Variants in MACC1 observed in about 807,000 individuals in gnomAD.
The protein encoded by MACC1 is metastasis-associated in colon cancer protein 1.
MACC1 carries 79 observed loss-of-function variants against 70.7 expected under a neutral mutation model. That is an observed-to-expected ratio of 1.12 (90% confidence interval 0.93 to 1.35). The LOEUF is 1.35. Among genes scored for constraint, MACC1 ranks in the 40% most tolerant of loss-of-function variants. The probability of loss-of-function intolerance (pLI) is 0.00; values close to 1 mark genes in which losing one functional copy is unlikely to be tolerated. For missense variants in MACC1, 1,106 were observed against 978.1 expected, an observed-to-expected ratio of 1.13 and a Z score of -1.74; for synonymous variants, 361 against 347.2, an observed-to-expected ratio of 1.04 and a Z score of -0.44.
chr7:20,152,596 C>G (rs1206984614), intron 6 of MACC1, among the ~76,000 whole-genome samples: 2 of 152,128 alleles, frequency 1.3e-5, no homozygotes, highest in African/African-American at 4.8e-5. Flanking sequence ...ATAAGTTGAA[C>G]TATCATAGAA....
At chr7:20,210,728 C>G (rs1782982763) in intron 1 of MACC1, among the ~76,000 whole-genome samples, 1 of 152,194 alleles carries the variant, frequency 6.6e-6, no homozygotes, top group South Asian at 2.1e-4. Context: ...TTCTTGTTCA[C>G]TGCTATATCC....
intron 1 of MACC1, among the ~76,000 whole-genome samples, chr7:20,172,023 A>G (rs1196996230): frequency 6.6e-6 from 1 of 152,216 alleles, no homozygotes; most frequent in African/African-American, 2.4e-5. Context: ...AATACGAAAT[A>G]AAAAGACATA....
At chr7:20,189,732 G>GACATAC (rs1159745754) in intron 1 of MACC1, among the ~76,000 whole-genome samples, 1 of 143,816 alleles carries the variant, frequency 7.0e-6, no homozygotes, top group African/African-American at 2.7e-5. Context: ...CAGACAGACA[G>GACATAC]ACATACACAA....
intron 1 of MACC1, among the ~76,000 whole-genome samples, chr7:20,215,862 A>G (rs1235648273): frequency 6.6e-6 from 1 of 152,200 alleles, no homozygotes; most frequent in Non-Finnish European, 1.5e-5. Context: ...AAACAGATAA[A>G]AATATTCTAT....
chr7:20,182,764 C>T (rs1319612102), intron 1 of MACC1, among the ~76,000 whole-genome samples: 4 of 152,108 alleles, frequency 2.6e-5, no homozygotes, highest in East Asian at 1.9e-4. Context: ...GCTCCTTTGA[C>T]ACATGGGAGT....
intron 6 of MACC1, among the ~76,000 whole-genome samples, chr7:20,152,864 A>G (rs1782001190): frequency 6.6e-6 from 1 of 152,228 alleles, no homozygotes; most frequent in South Asian, 2.1e-4. Context: ...CCTTATTAAG[A>G]AAAAAAGGTC....
intron 1 of MACC1, among the ~76,000 whole-genome samples, chr7:20,193,077 TC>T (rs1226624781): frequency 6.6e-6 from 1 of 152,146 alleles, no homozygotes. Flanking sequence ...ATAGAATCTG[TC>T]CCCAGAAGGT....
At chr7:20,181,103 TG>T (rs1782499566) in intron 1 of MACC1, among the ~76,000 whole-genome samples, 1 of 152,008 alleles carries the variant, frequency 6.6e-6, no homozygotes, top group African/African-American at 2.4e-5. Context: ...TGTGTGTGTG[TG>T]TGTATAATTA....
In MACC1 at chr7:20,137,342, A is replaced by G. The variant is rs1781732038; in HGVS notation, c.*3604T>C. 6.6e-6 allele frequency: 1 copy of G among 152,222 alleles called. No individual in the cohort carries two copies. 9.4% of individuals were successfully genotyped at this position (152,222 alleles called of 1,614,324 possible). Reference sequence around the variant, plus strand: ...TAGTCATCCCCAAACTGAGAACTTTATATAGTATGTTCTACATTACAGGCC... The same window carrying G: ...TAGTCATCCCCAAACTGAGAACTTTGTATAGTATGTTCTACATTACAGGCC... On this transcript the variant is annotated 3_prime_UTR_variant, in exon 7 of 7. Transcript: ENST00000400331.
rs1781704960 is a variant in MACC1 at position 20,135,285 on chromosome 7, G to C, written c.*5661C>G. On this transcript the variant is annotated 3_prime_UTR_variant, in exon 7 of 7. Transcript: ENST00000400331. Reference sequence around the variant, plus strand: ...AAATGAAACACAGAGATTTTAATTAGTTTCACAGTCAAAATTATTTTTGTA... The same window carrying C: ...AAATGAAACACAGAGATTTTAATTACTTTCACAGTCAAAATTATTTTTGTA... The C allele has an allele frequency of 6.6e-6, 1 of 152,078 alleles. No individual in the cohort carries two copies. The highest frequency in any genetic ancestry group is 1.5e-5 in the Non-Finnish European group (1 of 68,028). 9.4% of individuals were successfully genotyped at this position (152,078 alleles called of 1,614,324 possible). A position where few individuals can be genotyped will look rare whatever the true frequency, so the allele number is the denominator to read the frequency against.
chr7:20,170,842 A>G (rs1015650058), intron 1 of MACC1, 64 bp from the exon 2 acceptor site: 3 of 152,256 alleles, frequency 2.0e-5, no homozygotes, highest in African/African-American at 4.8e-5. Flanking sequence ...ATGTTTATGC[A>G]CTAACGTTTG....
intron 1 of MACC1, among the ~76,000 whole-genome samples, chr7:20,178,517 A>G (rs3094995): frequency 0.48 from 73,446 of 151,700 alleles, 19,497 homozygotes; most frequent in East Asian, 0.86. Context: ...GTTTTTTATC[A>G]TTCTGTTAAA....
intron 6 of MACC1, among the ~76,000 whole-genome samples, chr7:20,142,746 G>T (rs1368398434): frequency 6.6e-6 from 1 of 152,174 alleles, no homozygotes; most frequent in Non-Finnish European, 1.5e-5. Context: ...TAAACAAATA[G>T]ATTATTCTGT....
rs1781724065 is a variant in MACC1 at position 20,136,824 on chromosome 7, G to T, written c.*4122C>A. 1 of 149,986 alleles carries T rather than the reference G, an allele frequency of 6.7e-6. No individual in the cohort carries two copies. The highest frequency in any genetic ancestry group is 1.5e-5 in the Non-Finnish European group (1 of 67,588). 9.3% of individuals were successfully genotyped at this position (149,986 alleles called of 1,614,324 possible). ...TTAAGGATTATTATTAATTCTTAAAGATTAAGATTATTATTAATTATTAAT... is the reference window on the plus strand; with the variant it reads ...TTAAGGATTATTATTAATTCTTAAATATTAAGATTATTATTAATTATTAAT... On this transcript the variant is annotated 3_prime_UTR_variant, in exon 7 of 7. Transcript: ENST00000400331.
chr7:20,203,460 G>C (rs945994620), intron 1 of MACC1, among the ~76,000 whole-genome samples: 6 of 152,312 alleles, frequency 3.9e-5, no homozygotes, highest in African/African-American at 1.4e-4. Flanking sequence ...GGAAGATCCT[G>C]AGAAGCTTTC....
At chr7:20,162,648 C>T (rs1782155705) in intron 3 of MACC1, among the ~76,000 whole-genome samples, 1 of 152,092 alleles carries the variant, frequency 6.6e-6, no homozygotes, top group Admixed American at 6.6e-5. Context: ...AGGATTGATA[C>T]ATGGCACAGG....
At chr7:20,164,009 T>A (rs1182835208) in intron 3 of MACC1, among the ~76,000 whole-genome samples, 3 of 152,218 alleles carry the variant, frequency 2.0e-5, no homozygotes. Context: ...TGATCTCAGC[T>A]CACTGTAAAC....
At position 20,135,864 on chromosome 7, in the gene MACC1, A is replaced by C. The variant is rs568948604; in HGVS notation, c.*5082T>G. 1 of 152,316 alleles carries C rather than the reference A, an allele frequency of 6.6e-6. No individual in the cohort carries two copies. The highest frequency in any genetic ancestry group is 1.9e-4 in the East Asian group (1 of 5,188). 9.4% of individuals were successfully genotyped at this position (152,316 alleles called of 1,614,324 possible). On this transcript the variant is annotated 3_prime_UTR_variant, in exon 7 of 7. Transcript: ENST00000400331. The stretch of plus-strand genomic sequence containing the variant: ...TGTTCAAAAACAGTGTGTATTACAT[A>C]ATCAATTTCAAAAGATTATGTAAAG...
intron 1 of MACC1, among the ~76,000 whole-genome samples, chr7:20,210,048 C>A (rs749490238): frequency 3.9e-5 from 6 of 152,172 alleles, no homozygotes; most frequent in Non-Finnish European, 7.4e-5. Context: ...AACAGTGAGA[C>A]AATTAAGCCT....
Sources: allele counts gnomAD v4.1 joint callset (sites outside exome capture counted in the v4.1 genomes callset), GRCh38; gene constraint gnomAD v4.1.1; transcripts MANE v1.5; gene names NCBI Gene and HGNC (gene_info 2026-07-23, HGNC 2026-07-21).